CDH1: variants seen among roughly 807,000 people sequenced by gnomAD.
CDH1 encodes cadherin-1.
CDH1 carries 35 observed loss-of-function variants against 84.5 expected under a neutral mutation model. That is an observed-to-expected ratio of 0.41 (90% CI 0.32 to 0.55). The LOEUF (loss-of-function observed/expected upper bound fraction) is 0.55, where lower values mean the gene tolerates loss of function less well. CDH1 is among the 20% of genes least tolerant of loss of function. The pLI is 0.19. For synonymous variants in CDH1, 417 were observed against 439.0 expected (o/e 0.95, Z 0.63); for missense variants, 994 against 1,126.6 (o/e 0.88, Z 1.68).
chr16:68,783,405 G>GA (rs1959940322), intron 2 of CDH1, among the ~76,000 whole-genome samples: 2 of 126,420 alleles, frequency 1.6e-5, no homozygotes, highest in Admixed American at 7.8e-5. Flanking sequence ...AAAAAAAAAA[G>GA]AAAAAAGAAA....
At chr16:68,753,639 T>G (rs1962943357) in intron 2 of CDH1, among the ~76,000 whole-genome samples, 1 of 151,872 alleles carries the variant, frequency 6.6e-6, no homozygotes, top group South Asian at 2.1e-4. Flanking sequence ...GCCCGGCACA[T>G]CTTACAAATC....
intron 2 of CDH1, among the ~76,000 whole-genome samples, chr16:68,778,518 G>A (rs1258621925): frequency 2.6e-5 from 4 of 152,162 alleles, no homozygotes; most frequent in Admixed American, 2.0e-4. Context: ...GTGATTCCAC[G>A]TGGTCCTGCC....
At position 68,812,121 on chromosome 16, in the gene CDH1, C is replaced by A. The variant is rs368293695; in HGVS notation, c.1009-14C>A. 1.2e-6 allele frequency: 2 copies of A among 1,613,778 alleles called. No homozygotes were observed. The highest frequency in any genetic ancestry group is 1.1e-5 in the South Asian group (1 of 90,986). Reference sequence around the variant, plus strand: ...GTTCCTGGTCCTGACTTGGTTGTGTCGATCTCTCTGCAGAGTTTCCCTACG... The same window carrying A: ...GTTCCTGGTCCTGACTTGGTTGTGTAGATCTCTCTGCAGAGTTTCCCTACG... On this transcript the variant is annotated splice_polypyrimidine_tract_variant and intron_variant, in intron 7 of 15. Transcript: ENST00000261769.
intron 15 of CDH1, 68 bp from the exon 16 acceptor site, chr16:68,833,222 C>G: frequency 7.2e-7 from 1 of 1,393,624 alleles, no homozygotes; most frequent in South Asian, 1.2e-5. Context: ...TATTGCTAGA[C>G]TTCTTGCCCC....
intron 2 of CDH1, among the ~76,000 whole-genome samples, chr16:68,746,374 G>A (rs762167275): frequency 4.6e-5 from 7 of 152,122 alleles, no homozygotes; most frequent in Non-Finnish European, 7.4e-5. Flanking sequence ...GCAGTGAGCC[G>A]AGATTGTGCC....
intron 2 of CDH1, among the ~76,000 whole-genome samples, chr16:68,760,445 A>G (rs958413451): frequency 6.6e-6 from 1 of 151,746 alleles, no homozygotes; most frequent in African/African-American, 2.4e-5. Context: ...TAGTTTTCCA[A>G]AGATGGGAAT....
intron 6 of CDH1, among the ~76,000 whole-genome samples, chr16:68,811,056 C>T (rs900923863): frequency 1.3e-5 from 2 of 151,860 alleles, no homozygotes; most frequent in Non-Finnish European, 2.9e-5. Context: ...ACCTTAAAGC[C>T]CTAAACAATC....
intron 7 of CDH1, 126 bp from the exon 8 acceptor site, chr16:68,812,009 C>A: frequency 6.6e-7 from 1 of 1,505,972 alleles, no homozygotes; most frequent in South Asian, 1.1e-5. Context: ...AGGTTCCGTG[C>A]CTAGAAGACA....
rs536314715 is a variant in CDH1 at position 68,809,226 on chromosome 16, C to CTT, written c.687+393_687+394dup. 8.5e-4 allele frequency among the ~76,000 whole-genome samples: 115 copies of CTT among 135,478 alleles called. 4 individuals are homozygous for CTT. The highest frequency in any genetic ancestry group is 2.4e-3 in the African/African-American group (86 of 36,518). The allele number at this position is 135,478 out of a possible 152,430, so 88.9% of individuals were successfully genotyped here. A position where few individuals can be genotyped will look rare whatever the true frequency, so the allele number is the denominator to read the frequency against. ...CAAGAGCTTAGGAAAACCAAGAGGT[C>CTT]TTTTTTTTTTTTTTTTGAGATAGGG... On this transcript the variant is annotated intron_variant, in intron 5 of 15. Transcript: ENST00000261769.
At position 68,815,766 on chromosome 16, in the gene CDH1, G is replaced by T. The variant is rs1555516206; in HGVS notation, c.1565+7G>T. On this transcript the variant is annotated splice_region_variant and intron_variant, in intron 10 of 15. Coordinates refer to ENST00000261769, the MANE Select transcript of CDH1 (RefSeq NM_004360.5). Reference sequence around the variant, plus strand: ...TTATGGAACAGAAAATAACGTAAGTGTGAGGATTTTTCAACTGACTTGCAG... The same window carrying T: ...TTATGGAACAGAAAATAACGTAAGTTTGAGGATTTTTCAACTGACTTGCAG... The T allele has an allele frequency of 6.2e-7, 1 of 1,614,198 alleles. No individual in the cohort carries two copies. The highest frequency in any genetic ancestry group is 8.5e-7 in the Non-Finnish European group (1 of 1,180,040).
chr16:68,809,503 A>G (rs1439892450), intron 5 of CDH1, among the ~76,000 whole-genome samples: 1 of 151,274 alleles, frequency 6.6e-6, no homozygotes, highest in East Asian at 2.0e-4. Flanking sequence ...CACCCGGCCT[A>G]CAAGAGGTCA....
At chr16:68,760,728 T>C (rs1422965364) in intron 2 of CDH1, among the ~76,000 whole-genome samples, 1 of 152,138 alleles carries the variant, frequency 6.6e-6, no homozygotes, top group African/African-American at 2.4e-5. Context: ...CCAGGGGTGA[T>C]AGAAAACACT....
rs67262350 is a variant in CDH1 at position 68,829,953 on chromosome 16, C to CT, written c.2439+161dup. 8.7e-3 allele frequency among the ~76,000 whole-genome samples: 885 copies of CT among 102,084 alleles called. 25 individuals are homozygous for CT. Among genetic ancestry groups the CT allele is most frequent in the African/African-American group, 0.039 (760 of 19,646 alleles). The allele number at this position is 102,084 out of a possible 152,430, so 67.0% of individuals were successfully genotyped here. ...CCTGTTTTCCTTTTTCTTTTTTTTTCTTTTTCTTTTTTTTTTTTTTTGAGA... is the reference window on the plus strand; with the variant it reads ...CCTGTTTTCCTTTTTCTTTTTTTTTCTTTTTTCTTTTTTTTTTTTTTTGAGA... On this transcript the variant is annotated intron_variant, in intron 15 of 15. Coordinates refer to ENST00000261769, the MANE Select transcript of CDH1 (RefSeq NM_004360.5).
At chr16:68,822,531 C>A in intron 12 of CDH1, 1 of 531,912 alleles carries the variant, frequency 1.9e-6, no homozygotes, top group Non-Finnish European at 3.5e-6. Context: ...ACCTCCTGCT[C>A]CTGGGACCAA....
At chr16:68,825,803 CTTTTTTTTTTT>C (rs869187109) in intron 13 of CDH1, among the ~76,000 whole-genome samples, 1 of 94,498 alleles carries the variant, frequency 1.1e-5, no homozygotes, top group Non-Finnish European at 2.0e-5. Flanking sequence ...TAAAGGGAAT[CTTTTTTTTTTT>C]TTTTTTTTTT....
intron 2 of CDH1, among the ~76,000 whole-genome samples, chr16:68,788,954 G>A (rs964748094): frequency 6.6e-6 from 1 of 152,130 alleles, no homozygotes; most frequent in Non-Finnish European, 1.5e-5. Flanking sequence ...GCGGTAATCT[G>A]AGGTCATGCC....
At chr16:68,757,289 A>G (rs962327315) in intron 2 of CDH1, among the ~76,000 whole-genome samples, 4 of 152,106 alleles carry the variant, frequency 2.6e-5, no homozygotes, top group Admixed American at 2.0e-4. Context: ...GGGTTTCACC[A>G]TGTTGGCCAG....
chr16:68,817,650 T>C (rs1265211507), intron 10 of CDH1, among the ~76,000 whole-genome samples: 1 of 152,114 alleles, frequency 6.6e-6, no homozygotes, highest in African/African-American at 2.4e-5. Flanking sequence ...ATCACCTCTG[T>C]CCTGTTCTTG....
At chr16:68,750,293 C>A (rs148786849) in intron 2 of CDH1, among the ~76,000 whole-genome samples, 2,297 of 152,102 alleles carry the variant, frequency 0.015, 22 homozygotes, top group South Asian at 0.029. Flanking sequence ...TCTCTGGGTC[C>A]CAGAAAATCC....
Sources: gnomAD v4.1 joint callset for allele counts (sites outside exome capture counted in the v4.1 genomes callset) on GRCh38, gnomAD v4.1.1 for gene constraint, MANE v1.5 for transcripts, NCBI Gene and HGNC (gene_info 2026-07-23, HGNC 2026-07-21) for gene names.